The following CACNA1C variants were observed in gnomAD, a reference collection of about 807,000 sequenced individuals.
CACNA1C encodes voltage-dependent L-type calcium channel subunit alpha-1C.
CACNA1C carries 30 observed loss-of-function variants against 229.0 expected under a neutral mutation model. The observed-to-expected ratio is 0.13, with a 90% CI of 0.10 to 0.18. CACNA1C has a LOEUF of 0.18. Ranked by LOEUF, CACNA1C falls within the 10% of genes least tolerant of loss-of-function variation. The pLI is 1.00. For missense variants in CACNA1C, 1,658 were observed against 2,845.0 expected (o/e 0.58, Z 9.49); for synonymous variants, 1,114 against 1,132.5 (o/e 0.98, Z 0.33).
At chr12:2,489,818 G>A (rs912699796) in intron 6 of CACNA1C, among the ~76,000 whole-genome samples, 1 of 152,152 alleles carries the variant, frequency 6.6e-6, no homozygotes, top group African/African-American at 2.4e-5. Context: ...ACTTAATTTG[G>A]ACTTTCCAGA....
At position 2,264,969 on chromosome 12, in the gene CACNA1C, C is replaced by G. The variant is rs142871432; in HGVS notation, c.477+144539C>G. ...CAAACCCTTCTGTCCTTCCCGTTGT[C>G]TGAGCTGCCTTTTTCTTGACTACTT... is the stretch of plus-strand genomic sequence containing the variant. On this transcript the variant is annotated intron_variant, in intron 3 of 46. Transcript: ENST00000399655. Among the ~76,000 whole-genome samples the G allele has an allele frequency of 1.5e-4, 23 of 152,326 alleles. No individual in the cohort carries two copies. The East Asian group carries it at 3.1e-3, about 20-fold the overall frequency.
intron 3 of CACNA1C, among the ~76,000 whole-genome samples, chr12:2,244,241 C>T (rs77175673): frequency 6.6e-6 from 1 of 152,210 alleles, no homozygotes; most frequent in Non-Finnish European, 1.5e-5. Context: ...TGTGAAGGGG[C>T]CTTCGGCTCC....
chr12:2,074,132 A>C (rs1419516023), intron 1 of CACNA1C, among the ~76,000 whole-genome samples: 1 of 126,854 alleles, frequency 7.9e-6, no homozygotes, highest in African/African-American at 3.3e-5. Context: ...GTGAAAAAAA[A>C]ATCAGTTGAA....
chr12:2,000,507 T>G (rs1244095640), intron 1 of CACNA1C, among the ~76,000 whole-genome samples: 5 of 152,194 alleles, frequency 3.3e-5, no homozygotes, highest in Non-Finnish European at 5.9e-5. Flanking sequence ...TTTTAGTTTT[T>G]AAATTCCAAG....
At chr12:2,124,030 T>A (rs1176791867) in intron 3 of CACNA1C, among the ~76,000 whole-genome samples, 2 of 152,054 alleles carry the variant, frequency 1.3e-5, no homozygotes, top group Non-Finnish European at 2.9e-5. Context: ...ACCCAGGCCC[T>A]GTTGCCTTTT....
Position 2,633,713 on chromosome 12 carries a change from G to A in CACNA1C, c.3829-584G>A, listed in dbSNP as rs786205761. 3.2e-6 allele frequency: 5 copies of A among 1,558,680 alleles called. No homozygotes were observed. The highest frequency in any genetic ancestry group is 1.4e-5 in the African/African-American group (1 of 73,832). On this transcript the variant is annotated intron_variant, in intron 29 of 46. Transcript: ENST00000399655. The surrounding 1 kb of genome is among the most constrained non-coding windows in gnomAD (Gnocchi z 5.8). ...TGACGTCATTCTCAGTGAGACTAAT[G>A]TGAGTATTACTCTGCCCTCCCCAGG... is the stretch of plus-strand genomic sequence containing the variant.
At chr12:2,301,822 C>T (rs915589794) in intron 3 of CACNA1C, among the ~76,000 whole-genome samples, 8 of 152,216 alleles carry the variant, frequency 5.3e-5, no homozygotes, top group African/African-American at 1.7e-4. Context: ...CAGCCTGGCC[C>T]TGCAGTGGTG....
At chr12:2,584,732 G>A in intron 16 of CACNA1C, 115 bp downstream of exon 16, 1 of 698,796 alleles carries the variant, frequency 1.4e-6, no homozygotes, top group East Asian at 2.6e-5. Context: ...TCCCTCCTAG[G>A]AGGACTCTGG....
chr12:2,686,111 CA>C (rs2097463810), intron 44 of CACNA1C, 54 bp from the exon 45 acceptor site: 1 of 1,392,874 alleles, frequency 7.2e-7, no homozygotes. Context: ...TAAACTGTCA[CA>C]GGCCAGTGCC....
chr12:2,334,440 C>T (rs1356374343), intron 3 of CACNA1C, among the ~76,000 whole-genome samples: 1 of 152,134 alleles, frequency 6.6e-6, no homozygotes, highest in South Asian at 2.1e-4. Flanking sequence ...GCAGACTGGG[C>T]ACATGTCCTA....
chr12:2,336,865 G>A (rs144734279), intron 3 of CACNA1C, among the ~76,000 whole-genome samples: 24 of 152,234 alleles, frequency 1.6e-4, no homozygotes, highest in African/African-American at 5.5e-4. Context: ...GTGCCATGTC[G>A]GGCAGGGTTG....
At chr12:2,669,620 G>A (rs981231528) in intron 38 of CACNA1C, among the ~76,000 whole-genome samples, 1 of 152,240 alleles carries the variant, frequency 6.6e-6, no homozygotes, top group Non-Finnish European at 1.5e-5. Flanking sequence ...CTACAGGTGG[G>A]TGTCTCAAAT....
At chr12:2,644,703 TGAAAATAA>T (rs893186215) in intron 30 of CACNA1C, among the ~76,000 whole-genome samples, 40 of 152,242 alleles carry the variant, frequency 2.6e-4, no homozygotes, top group African/African-American at 9.6e-4. Flanking sequence ...GGCACTCCAA[TGAAAATAA>T]GTGCATAGTG....
chr12:2,572,320 C>CCTG (rs2055120656), intron 13 of CACNA1C, among the ~76,000 whole-genome samples: 2 of 129,894 alleles, frequency 1.5e-5, no homozygotes, highest in Non-Finnish European at 3.3e-5. Context: ...TCCTCCTCCT[C>CCTG]TTCCTCCTCC....
chr12:2,193,545 G>A (rs1336003033), intron 3 of CACNA1C, among the ~76,000 whole-genome samples: 1 of 152,216 alleles, frequency 6.6e-6, no homozygotes, highest in African/African-American at 2.4e-5. Flanking sequence ...CTTTCCTTCT[G>A]TTTAGAGGTA....
chr12:2,323,205 A>G (rs140638943), intron 3 of CACNA1C, among the ~76,000 whole-genome samples: 1 of 152,128 alleles, frequency 6.6e-6, no homozygotes, highest in Non-Finnish European at 1.5e-5. Flanking sequence ...CTCTATCTCA[A>G]TCTGGTAATT....
intron 1 of CACNA1C, among the ~76,000 whole-genome samples, chr12:2,093,521 C>T (rs760643579): frequency 2.3e-4 from 35 of 152,212 alleles, no homozygotes; most frequent in African/African-American, 3.1e-4. Flanking sequence ...CCGTGTTCCA[C>T]GCTGGCAACA....
At chr12:2,139,748 T>G (rs1359268241) in intron 3 of CACNA1C, among the ~76,000 whole-genome samples, 3 of 151,206 alleles carry the variant, frequency 2.0e-5, no homozygotes, top group African/African-American at 7.3e-5. Context: ...CACCAATGCC[T>G]CCTCATTCTC....
Position 2,067,523 on chromosome 12 carries a change from G to A in CACNA1C, c.49+13912G>A, listed in dbSNP as rs558635663. ...CTGTATGTAAGGGCAGGCACATGAA[G>A]ACAGACTTTATTGGTTTCACAGTTT... On this transcript the variant is annotated intron_variant, in intron 1 of 46. Coordinates refer to ENST00000399655, the MANE Select transcript of CACNA1C (RefSeq NM_000719.7). The surrounding 1 kb of genome is among the most constrained non-coding windows in gnomAD (Gnocchi z 5.3). Among the ~76,000 whole-genome samples the A allele has an allele frequency of 1.1e-4, 17 of 151,820 alleles. No homozygotes were observed. The South Asian group carries it at 3.5e-3, about 32-fold the overall frequency.
Sources: allele counts gnomAD v4.1 joint callset (sites outside exome capture counted in the v4.1 genomes callset), GRCh38; gene constraint gnomAD v4.1.1; non-coding constraint Gnocchi (gnomAD v3.1); transcripts MANE v1.5; gene names NCBI Gene and HGNC (gene_info 2026-07-23, HGNC 2026-07-21).